Variants in SNTG1 observed in about 807,000 individuals in gnomAD.
SNTG1 encodes the protein syntrophin gamma 1, also known as gamma-1-syntrophin.
In SNTG1, 39 loss-of-function variants were observed where a neutral mutation model predicts 74.7. That is an observed-to-expected ratio of 0.52 (90% CI 0.40 to 0.68). The LOEUF (loss-of-function observed/expected upper bound fraction) is 0.68, where lower values mean the gene tolerates loss of function less well. SNTG1 is among the 30% of genes least tolerant of loss of function. The probability of loss-of-function intolerance (pLI) is 0.00; values close to 1 mark genes in which losing one functional copy is unlikely to be tolerated. For synonymous variants in SNTG1, 254 were observed against 217.1 expected (o/e 1.17, Z -1.49); for missense variants, 685 against 609.5 (o/e 1.12, Z -1.30).
chr8:50,287,842 T>C (rs77140516), intron 2 of SNTG1, among the ~76,000 whole-genome samples: 7,645 of 152,252 alleles, frequency 0.05, 269 homozygotes, highest in Non-Finnish European at 0.079. Flanking sequence ...AAAAATACTT[T>C]ATACAACTTT....
At chr8:50,649,392 G>A (rs1464663092) in intron 13 of SNTG1, among the ~76,000 whole-genome samples, 2 of 152,048 alleles carry the variant, frequency 1.3e-5, no homozygotes, top group Non-Finnish European at 2.9e-5. Flanking sequence ...CCAGCTACTC[G>A]GGAGGCTGAA....
intron 1 of SNTG1, among the ~76,000 whole-genome samples, chr8:50,132,121 C>T (rs552751398): frequency 6.8e-4 from 104 of 152,190 alleles, no homozygotes; most frequent in South Asian, 1.5e-3. Context: ...ATGCCTCTAG[C>T]TTTGTTATTC....
intron 17 of SNTG1, among the ~76,000 whole-genome samples, chr8:50,720,468 A>T (rs1024432279): frequency 6.6e-6 from 1 of 152,174 alleles, no homozygotes; most frequent in Non-Finnish European, 1.5e-5. Flanking sequence ...GGAGTATAAC[A>T]ACAGATGCAG....
intron 1 of SNTG1, among the ~76,000 whole-genome samples, chr8:50,116,471 C>A (rs941496588): frequency 2.0e-5 from 3 of 152,086 alleles, no homozygotes; most frequent in Non-Finnish European, 4.4e-5. Flanking sequence ...TTTTAGGAAT[C>A]CTTGACTCTG....
chr8:50,092,430 C>T (rs2079774260), intron 1 of SNTG1, among the ~76,000 whole-genome samples: 1 of 152,136 alleles, frequency 6.6e-6, no homozygotes, highest in Non-Finnish European at 1.5e-5. Context: ...TCAAAAACCA[C>T]ATTTCCCATG....
At chr8:50,501,585 G>A (rs971638970) in intron 8 of SNTG1, among the ~76,000 whole-genome samples, 13 of 150,254 alleles carry the variant, frequency 8.7e-5, no homozygotes, top group African/African-American at 1.5e-4. Context: ...ACAGACGCCT[G>A]CCACGAAGAC....
chr8:50,593,770 T>A (rs186322432), intron 13 of SNTG1, among the ~76,000 whole-genome samples: 10 of 150,578 alleles, frequency 6.6e-5, no homozygotes, highest in African/African-American at 2.5e-4. Context: ...CAGGCTGGAG[T>A]GCAGTGGCAC....
At chr8:50,762,721 C>T (rs889859981) in intron 18 of SNTG1, 3 of 483,152 alleles carry the variant, frequency 6.2e-6, no homozygotes, top group East Asian at 5.9e-5. Context: ...CAGTCTTGTG[C>T]TTGCCTCCCT....
At chr8:50,703,500 G>A (rs2095433245) in intron 15 of SNTG1, among the ~76,000 whole-genome samples, 1 of 151,874 alleles carries the variant, frequency 6.6e-6, no homozygotes, top group South Asian at 2.1e-4. Context: ...ACCTTCTGAA[G>A]GAACTGCTTG....
At chr8:50,776,616 A>G (rs1337684380) in intron 18 of SNTG1, among the ~76,000 whole-genome samples, 3 of 150,932 alleles carry the variant, frequency 2.0e-5, no homozygotes, top group African/African-American at 4.8e-5. Context: ...TTTTGTTTCA[A>G]TACCCAAGTA....
At position 50,021,973 on chromosome 8, in the gene SNTG1, G is replaced by T. The variant is rs556287449; in HGVS notation, c.-103+109742G>T. 4.7e-5 allele frequency among the ~76,000 whole-genome samples: 7 copies of T among 149,932 alleles called. No individual in the cohort carries two copies. The East Asian group carries it at 9.8e-4, about 21-fold the overall frequency. ...ATAAAAATAAAAATAAAAATAAAAA[G>T]AAGAAGAAGAAGAAAAAGAAGGAAA... On this transcript the variant is annotated intron_variant, in intron 1 of 18. Transcript: ENST00000642720.
chr8:50,225,508 T>G (rs2085285584), intron 2 of SNTG1, among the ~76,000 whole-genome samples: 1 of 152,162 alleles, frequency 6.6e-6, no homozygotes, highest in South Asian at 2.1e-4. Context: ...GAACCAATGC[T>G]CATCTTACAT....
intron 1 of SNTG1, among the ~76,000 whole-genome samples, chr8:50,105,605 A>T (rs537687194): frequency 1.6e-4 from 24 of 152,116 alleles, no homozygotes; most frequent in African/African-American, 5.3e-4. Context: ...ATAGTATTTA[A>T]TCTGTAAATT....
intron 1 of SNTG1, among the ~76,000 whole-genome samples, chr8:49,991,477 A>T (rs1417838278): frequency 6.6e-6 from 1 of 152,190 alleles, no homozygotes; most frequent in Non-Finnish European, 1.5e-5. Flanking sequence ...ATTTATCCAC[A>T]CAAAAACGTG....
intron 2 of SNTG1, among the ~76,000 whole-genome samples, chr8:50,363,926 A>C (rs2092035153): frequency 6.6e-6 from 1 of 152,158 alleles, no homozygotes; most frequent in Non-Finnish European, 1.5e-5. Flanking sequence ...AAAAGGGTGC[A>C]ACTCAGAAAA....
intron 2 of SNTG1, among the ~76,000 whole-genome samples, chr8:50,191,454 T>G (rs2083573347): frequency 6.6e-6 from 1 of 152,156 alleles, no homozygotes; most frequent in African/African-American, 2.4e-5. Context: ...AGAGCACTAC[T>G]GGAAATAGTT....
At chr8:50,146,204 A>G (rs1171742500) in intron 1 of SNTG1, among the ~76,000 whole-genome samples, 1 of 152,008 alleles carries the variant, frequency 6.6e-6, no homozygotes, top group Non-Finnish European at 1.5e-5. Context: ...CTTTCAAGTT[A>G]CTTGGATAAA....
intron 1 of SNTG1, among the ~76,000 whole-genome samples, chr8:50,055,294 T>G (rs1275725428): frequency 6.6e-6 from 1 of 152,140 alleles, no homozygotes; most frequent in Non-Finnish European, 1.5e-5. Context: ...TCTCTACTCC[T>G]GTATACATTG....
At chr8:50,295,276 C>G (rs1001343931) in intron 2 of SNTG1, among the ~76,000 whole-genome samples, 1 of 152,066 alleles carries the variant, frequency 6.6e-6, no homozygotes, top group Non-Finnish European at 1.5e-5. Context: ...ATAATGGCAA[C>G]GTTGATAGGA....
Sources: gnomAD v4.1 joint callset for allele counts (sites outside exome capture counted in the v4.1 genomes callset) on GRCh38, gnomAD v4.1.1 for gene constraint, MANE v1.5 for transcripts, NCBI Gene and HGNC (gene_info 2026-07-23, HGNC 2026-07-21) for gene names.